The following SHANK2 variants were observed in gnomAD, a reference collection of about 807,000 sequenced individuals.
SHANK2 encodes SH3 and multiple ankyrin repeat domains protein 2.
Under a neutral mutation model 133.7 loss-of-function variants are expected in SHANK2, and 43 were observed. The observed-to-expected ratio is 0.32, with a 90% CI of 0.25 to 0.41. SHANK2 has a LOEUF of 0.41. SHANK2 is among the 10% of genes least tolerant of loss of function. The pLI is 1.00. For missense variants in SHANK2, 1,994 were observed against 2,235.8 expected (o/e 0.89, Z 2.18); for synonymous variants, 1,017 against 952.8 (o/e 1.07, Z -1.24).
At chr11:70,537,912 C>T (rs1235804111) in intron 17 of SHANK2, among the ~76,000 whole-genome samples, 1 of 152,160 alleles carries the variant, frequency 6.6e-6, no homozygotes, top group Non-Finnish European at 1.5e-5. Context: ...GGGGCACGTG[C>T]CCTGAGGAAC....
intron 11 of SHANK2, among the ~76,000 whole-genome samples, chr11:70,841,912 C>G (rs976065420): frequency 4.6e-5 from 7 of 152,178 alleles, no homozygotes; most frequent in Non-Finnish European, 8.8e-5. Context: ...CCTGGGCAGA[C>G]AACCCCAGAG....
At position 70,471,696 on chromosome 11, in the gene SHANK2, G is replaced by A. The variant is rs115435733; in HGVS notation, c.*1173C>T. 376 of 304,728 alleles carry A rather than the reference G, an allele frequency of 1.2e-3. 2 individuals are homozygous for A. Among genetic ancestry groups the A allele is most frequent in the African/African-American group, 7.1e-3 (336 of 47,000 alleles). 18.9% of individuals were successfully genotyped at this position (304,728 alleles called of 1,614,324 possible). A position where few individuals can be genotyped will look rare whatever the true frequency, so the allele number is the denominator to read the frequency against. ...GGTGGGATTCCTAGACACCCAGAGC[G>A]ATAGGGGAAAAGCCTCTAAGTACCA... On this transcript the variant is annotated 3_prime_UTR_variant, in exon 26 of 26. Coordinates refer to ENST00000601538, the MANE Select transcript of SHANK2 (RefSeq NM_012309.5). This position sits in a 1 kb window ranked among gnomAD's most constrained non-coding sequence, Gnocchi z 4.1.
chr11:70,860,386 G>T (rs992272937), intron 11 of SHANK2, among the ~76,000 whole-genome samples: 1 of 152,164 alleles, frequency 6.6e-6, no homozygotes, highest in African/African-American at 2.4e-5. Flanking sequence ...TTAAGGTGAC[G>T]GGTCTCTTTA....
Position 71,216,286 on chromosome 11 carries a change from T to C in SHANK2, c.-13+8411A>G, listed in dbSNP as rs139961799. ...TCATATGGTGCAGTATCACTCAGCCTTTAAAAGGAAGGAATCACTGAATCA... is the reference window on the plus strand; with the variant it reads ...TCATATGGTGCAGTATCACTCAGCCCTTAAAAGGAAGGAATCACTGAATCA... On this transcript the variant is annotated intron_variant, in intron 2 of 25. Transcript: ENST00000601538. Among the ~76,000 whole-genome samples the C allele has an allele frequency of 1.6e-4, 25 of 152,306 alleles. No homozygotes were observed. The East Asian group carries it at 4.8e-3, about 29-fold the overall frequency.
In SHANK2 at chr11:71,165,592, C is replaced by T. The variant is rs566513364; in HGVS notation, c.-12-18254G>A. ...GTCGCTTCTCTCTGCGAAGCCTGGT[C>T]AAACCCTACAGCGAGATCATTCATC... On this transcript the variant is annotated intron_variant, in intron 2 of 25. Transcript: ENST00000601538. 4.0e-4 allele frequency among the ~76,000 whole-genome samples: 61 copies of T among 152,256 alleles called. 1 individual carries two copies. The highest frequency in any genetic ancestry group is 1.4e-3 in the African/African-American group (60 of 41,554).
At chr11:71,201,185 T>G (rs1954012900) in intron 2 of SHANK2, among the ~76,000 whole-genome samples, 2 of 152,192 alleles carry the variant, frequency 1.3e-5, no homozygotes, top group African/African-American at 4.8e-5. Flanking sequence ...TTCATTTCCC[T>G]CAACTGTTCC....
intron 14 of SHANK2, among the ~76,000 whole-genome samples, chr11:70,770,150 T>A (rs1304621052): frequency 1.3e-5 from 2 of 152,310 alleles, no homozygotes; most frequent in Non-Finnish European, 1.5e-5. Context: ...GTGGGTCAGA[T>A]AAAGCTCTGG....
chr11:71,211,205 TTTTTTTTTGGAAAAAAACATTGAGA>T (rs1555118837), intron 2 of SHANK2, among the ~76,000 whole-genome samples: 1 of 151,292 alleles, frequency 6.6e-6, no homozygotes, highest in African/African-American at 2.4e-5. Flanking sequence ...TTTTTTTTTT[TTTTTTTTTGGAAAAAAACATTGAGA>T]TTTTAAAATT....
chr11:70,689,524 T>C (rs1441415466), intron 15 of SHANK2, among the ~76,000 whole-genome samples: 1 of 152,106 alleles, frequency 6.6e-6, no homozygotes, highest in African/African-American at 2.4e-5. Context: ...GTAGAAAATA[T>C]GACATTCCTA....
chr11:71,130,867 C>T (rs537189737), intron 3 of SHANK2, among the ~76,000 whole-genome samples: 4 of 152,332 alleles, frequency 2.6e-5, no homozygotes, highest in South Asian at 2.1e-4. Context: ...GCTCTGCAAA[C>T]GCATGTAAGC....
chr11:71,063,093 C>T (rs1951007782), intron 9 of SHANK2, among the ~76,000 whole-genome samples: 1 of 148,436 alleles, frequency 6.7e-6, no homozygotes, highest in East Asian at 2.0e-4. Flanking sequence ...AAGAGAAAGA[C>T]AGGGAGGGAG....
intron 14 of SHANK2, among the ~76,000 whole-genome samples, chr11:70,733,516 C>T (rs1011032602): frequency 3.3e-5 from 5 of 152,218 alleles, no homozygotes; most frequent in Non-Finnish European, 7.3e-5. Context: ...CTGCTGCCTG[C>T]TTTTGTCAAT....
At position 71,079,103 on chromosome 11, in the gene SHANK2, T is replaced by C. The variant is rs917878039; in HGVS notation, c.913-3828A>G. On this transcript the variant is annotated intron_variant, in intron 8 of 25. Coordinates refer to ENST00000601538, the MANE Select transcript of SHANK2 (RefSeq NM_012309.5). ...ACCTCCACAATGAGTACCAGGCGAA[T>C]GGTCCCCATGTATCCCCGTGAAGGT... Among the ~76,000 whole-genome samples the C allele has an allele frequency of 1.8e-3, 267 of 152,352 alleles. 1 individual carries two copies. The highest frequency in any genetic ancestry group is 6.1e-3 in the African/African-American group (252 of 41,582).
intron 14 of SHANK2, among the ~76,000 whole-genome samples, chr11:70,758,259 C>T (rs1256899613): frequency 6.6e-6 from 1 of 152,182 alleles, no homozygotes; most frequent in African/African-American, 2.4e-5. Context: ...TATGGGAGCT[C>T]TGTTTTCACT....
rs925763394 is a variant in SHANK2, at chr11:70,750,394, G to C, written c.1777+48049C>G. On this transcript the variant is annotated intron_variant, in intron 14 of 25. Coordinates refer to ENST00000601538, the MANE Select transcript of SHANK2 (RefSeq NM_012309.5). ...TTGGGCAGGCACCTAAAACTCTGGA[G>C]GAGGGGATCCTTCTTTCTGGCCAGA... Among the ~76,000 whole-genome samples, 29 of 152,244 alleles carry C rather than the reference G, an allele frequency of 1.9e-4. 1 individual carries two copies. The highest frequency in any genetic ancestry group is 6.5e-5 in the Admixed American group (1 of 15,290).
intron 10 of SHANK2, among the ~76,000 whole-genome samples, chr11:70,899,328 C>T (rs1949990704): frequency 1.3e-5 from 2 of 152,218 alleles, no homozygotes. Context: ...GACACTCATT[C>T]TCTCTCCTGC....
At chr11:71,218,138 G>A (rs1954452630) in intron 2 of SHANK2, among the ~76,000 whole-genome samples, 1 of 152,050 alleles carries the variant, frequency 6.6e-6, no homozygotes, top group African/African-American at 2.4e-5. Context: ...GGCATTACAG[G>A]CATGAGCCAC....
chr11:70,925,796 C>G (rs1381056930), intron 10 of SHANK2, among the ~76,000 whole-genome samples: 1 of 152,100 alleles, frequency 6.6e-6, no homozygotes, highest in African/African-American at 2.4e-5. Flanking sequence ...GTCTGCGGTG[C>G]TAACATCCTA....
chr11:70,679,093 C>T (rs567909066), intron 15 of SHANK2, among the ~76,000 whole-genome samples: 6 of 152,308 alleles, frequency 3.9e-5, no homozygotes, highest in Middle Eastern at 3.4e-3. Flanking sequence ...CGGGGTCATC[C>T]GTGCAAATGC....
Sources: allele counts gnomAD v4.1 joint callset (sites outside exome capture counted in the v4.1 genomes callset), GRCh38; gene constraint gnomAD v4.1.1; non-coding constraint Gnocchi (gnomAD v3.1); transcripts MANE v1.5; gene names NCBI Gene and HGNC (gene_info 2026-07-23, HGNC 2026-07-21).